ACAP2: variants seen among roughly 807,000 people sequenced by gnomAD.
ACAP2 encodes the protein ArfGAP with coiled-coil, ankyrin repeat and PH domains 2.
ACAP2 carries 39 observed loss-of-function variants against 115.8 expected under a neutral mutation model. That is an observed-to-expected ratio of 0.34 (90% CI 0.26 to 0.44). ACAP2 has a LOEUF of 0.44. Among genes scored for constraint, ACAP2 ranks in the 20% least tolerant of loss-of-function variants. The pLI is 1.00. For synonymous variants in ACAP2, 289 were observed against 315.8 expected (o/e 0.92, Z 0.90); for missense variants, 662 against 927.6 (o/e 0.71, Z 3.72).
In ACAP2 at chr3:195,362,130, T is replaced by C. The variant is rs141153477; in HGVS notation, c.286-16813A>G. Among the ~76,000 whole-genome samples the C allele has an allele frequency of 1.6e-3, 244 of 152,094 alleles. 1 individual carries two copies. Among genetic ancestry groups the C allele is most frequent in the African/African-American group, 5.6e-3 (231 of 41,522 alleles). On this transcript the variant is annotated intron_variant, in intron 4 of 22. Coordinates refer to ENST00000326793, the MANE Select transcript of ACAP2 (RefSeq NM_012287.6). ...GAGTTTGAGACCAGTCTGGCCAACA[T>C]GGCTGAAACCCCGTCTCTACTAAAA...
intron 1 of ACAP2, among the ~76,000 whole-genome samples, chr3:195,407,969 G>A (rs1712929674): frequency 6.6e-6 from 1 of 151,938 alleles, no homozygotes; most frequent in African/African-American, 2.4e-5. Context: ...AGTGAAAATG[G>A]GGACATTATT....
intron 1 of ACAP2, among the ~76,000 whole-genome samples, chr3:195,440,073 T>C (rs1715882734): frequency 6.6e-6 from 1 of 151,938 alleles, no homozygotes. Flanking sequence ...AAATTTCCAC[T>C]CAAAAAAAAG....
Position 195,295,898 on chromosome 3 carries a change from A to G in ACAP2, c.1488-6T>C, listed in dbSNP as rs896850252. On this transcript the variant is annotated splice_region_variant and splice_polypyrimidine_tract_variant and intron_variant, in intron 16 of 22. Coordinates refer to ENST00000326793, the MANE Select transcript of ACAP2 (RefSeq NM_012287.6). ...TATATGCCTCCTTCTCCTGTCTGAC[A>G]GACATAAAAATGTCATGATGTTTTG... is the stretch of plus-strand genomic sequence containing the variant. The G allele has an allele frequency of 3.1e-6, 5 of 1,601,564 alleles. No homozygotes were observed. In the South Asian group the frequency reaches 5.6e-5, roughly 18 times the overall value.
intron 1 of ACAP2, chr3:195,413,001 T>C (rs749784011): frequency 2.4e-6 from 1 of 412,796 alleles, no homozygotes; most frequent in African/African-American, 2.1e-5. Context: ...AAAAGCAGGA[T>C]AAGAGGACAC....
chr3:195,352,852 G>A (rs915462082), intron 4 of ACAP2, among the ~76,000 whole-genome samples: 9 of 151,986 alleles, frequency 5.9e-5, no homozygotes, highest in Non-Finnish European at 1.0e-4. Context: ...AGGCTGAGGC[G>A]GGCAGATCAC....
chr3:195,356,538 T>C (rs1731984155), intron 4 of ACAP2, among the ~76,000 whole-genome samples: 1 of 151,952 alleles, frequency 6.6e-6, no homozygotes, highest in Admixed American at 6.6e-5. Context: ...CATCTCCCAA[T>C]CAAAGGCAGG....
At chr3:195,311,666 A>G (rs540882552) in intron 10 of ACAP2, among the ~76,000 whole-genome samples, 3 of 145,502 alleles carry the variant, frequency 2.1e-5, no homozygotes, top group Non-Finnish European at 3.0e-5. Context: ...TCTCCTGAGT[A>G]GCTGGGATTA....
At chr3:195,328,261 T>C (rs1729929713) in intron 8 of ACAP2, among the ~76,000 whole-genome samples, 1 of 152,168 alleles carries the variant, frequency 6.6e-6, no homozygotes, top group African/African-American at 2.4e-5. Flanking sequence ...AAGATAAGCA[T>C]TAAATGTCTA....
At chr3:195,315,486 T>A (rs1169674517) in intron 10 of ACAP2, among the ~76,000 whole-genome samples, 1 of 152,224 alleles carries the variant, frequency 6.6e-6, no homozygotes, top group African/African-American at 2.4e-5. Flanking sequence ...TAGTTGAAGT[T>A]GTATCTTGTT....
chr3:195,317,907 G>A (rs1729199964), intron 10 of ACAP2, among the ~76,000 whole-genome samples: 1 of 152,258 alleles, frequency 6.6e-6, no homozygotes, highest in South Asian at 2.1e-4. Context: ...ATTCATAAGT[G>A]ATAAGGACTG....
At chr3:195,428,429 A>G (rs922437174) in intron 1 of ACAP2, among the ~76,000 whole-genome samples, 1 of 151,804 alleles carries the variant, frequency 6.6e-6, no homozygotes, top group Non-Finnish European at 1.5e-5. Context: ...GACCACAAAT[A>G]CAACAGCGGT....
At chr3:195,312,225 T>C (rs537051188) in intron 10 of ACAP2, among the ~76,000 whole-genome samples, 1 of 152,208 alleles carries the variant, frequency 6.6e-6, no homozygotes, top group African/African-American at 2.4e-5. Context: ...CACATTCATG[T>C]AAGTGCCAAA....
chr3:195,328,325 A>G (rs1002187146), intron 8 of ACAP2, among the ~76,000 whole-genome samples: 4 of 152,230 alleles, frequency 2.6e-5, no homozygotes, highest in Non-Finnish European at 5.9e-5. Flanking sequence ...TCTTTTTCAA[A>G]AAAACTATTT....
chr3:195,400,930 C>A (rs147836299), intron 1 of ACAP2, among the ~76,000 whole-genome samples: 6 of 152,316 alleles, frequency 3.9e-5, no homozygotes, highest in East Asian at 3.9e-4. Flanking sequence ...CGAGGTGGCT[C>A]ATGCCTGTAA....
intron 15 of ACAP2, among the ~76,000 whole-genome samples, chr3:195,300,462 T>C (rs187752763): frequency 1.1e-3 from 166 of 152,338 alleles, no homozygotes; most frequent in African/African-American, 3.7e-3. Flanking sequence ...ATTTCGAATT[T>C]TGTAAATCTT....
intron 4 of ACAP2, among the ~76,000 whole-genome samples, chr3:195,360,491 C>T (rs1383458388): frequency 1.3e-5 from 2 of 152,206 alleles, no homozygotes; most frequent in Non-Finnish European, 2.9e-5. Context: ...CACAAGGAAA[C>T]ATCAGACTTA....
At chr3:195,385,897 T>C (rs1734270335) in intron 2 of ACAP2, among the ~76,000 whole-genome samples, 1 of 152,058 alleles carries the variant, frequency 6.6e-6, no homozygotes, top group African/African-American at 2.4e-5. Flanking sequence ...GACATGAAAG[T>C]CTCTGAAGAG....
At chr3:195,406,314 A>G (rs1712764436) in intron 1 of ACAP2, among the ~76,000 whole-genome samples, 1 of 152,148 alleles carries the variant, frequency 6.6e-6, no homozygotes, top group Non-Finnish European at 1.5e-5. Context: ...TAAGTGATAG[A>G]CTGTAAAACT....
chr3:195,282,634 A>G (rs1343159108), intron 22 of ACAP2: 7 of 152,252 alleles, frequency 4.6e-5, no homozygotes, highest in Non-Finnish European at 1.0e-4. Flanking sequence ...GAACACATAA[A>G]CAACAACCCA....
Sources: allele counts gnomAD v4.1 joint callset (sites outside exome capture counted in the v4.1 genomes callset), GRCh38; gene constraint gnomAD v4.1.1; transcripts MANE v1.5; gene names NCBI Gene and HGNC (gene_info 2026-07-23, HGNC 2026-07-21).